CYP2C8: variants seen among roughly 807,000 people sequenced by gnomAD.
CYP2C8 encodes cytochrome P450 family 2 subfamily C member 8, also known as cytochrome P450 2C8.
In CYP2C8, 51 loss-of-function variants were observed where a neutral mutation model predicts 41.3. The ratio of observed to expected loss-of-function variants is 1.24; its 90% confidence interval spans 0.99 to 1.56. CYP2C8 has a LOEUF of 1.56. CYP2C8 is among the 40% of genes most tolerant of loss of function. CYP2C8 has a pLI of 0.00. For synonymous variants in CYP2C8, 218 were observed against 205.8 expected, an observed-to-expected ratio of 1.06 and a Z score of -0.51; for missense variants, 651 against 579.9, an observed-to-expected ratio of 1.12 and a Z score of -1.26.
intron 3 of CYP2C8, among the ~76,000 whole-genome samples, chr10:95,065,797 G>A (rs1033840477): frequency 6.6e-6 from 1 of 152,064 alleles, no homozygotes; most frequent in Non-Finnish European, 1.5e-5. Flanking sequence ...TTGACCATAA[G>A]TTAGGCCAAA....
At chr10:95,059,263 G>A (rs1339346816) in intron 4 of CYP2C8, among the ~76,000 whole-genome samples, 1 of 152,188 alleles carries the variant, frequency 6.6e-6, no homozygotes, top group Non-Finnish European at 1.5e-5. Context: ...CCCACCAACA[G>A]TGTAAAAGTG....
intron 4 of CYP2C8, among the ~76,000 whole-genome samples, chr10:95,060,727 T>C (rs1249600414): frequency 2.0e-5 from 3 of 152,228 alleles, no homozygotes; most frequent in Non-Finnish European, 4.4e-5. Context: ...GTGCCAGTTT[T>C]CAAAGGGAAT....
At chr10:95,037,462 C>A (rs2032908752) in intron 8 of CYP2C8, among the ~76,000 whole-genome samples, 153 bp from the exon 9 acceptor site, 1 of 152,100 alleles carries the variant, frequency 6.6e-6, no homozygotes, top group Non-Finnish European at 1.5e-5. Flanking sequence ...GGATGGATGA[C>A]ATGATGGATT....
At chr10:95,045,644 A>T (rs1299123957) in intron 6 of CYP2C8, among the ~76,000 whole-genome samples, 166 bp downstream of exon 6, 2 of 152,194 alleles carry the variant, frequency 1.3e-5, no homozygotes, top group Non-Finnish European at 2.9e-5. Flanking sequence ...CCTCCATTGT[A>T]CAAAGATGTC....
At position 95,044,326 on chromosome 10, in the gene CYP2C8, G is replaced by A. The variant is rs78466242; in HGVS notation, c.962-1249C>T. On this transcript the variant is annotated intron_variant, in intron 6 of 8. Coordinates refer to ENST00000371270, the MANE Select transcript of CYP2C8 (RefSeq NM_000770.3). Reference sequence around the variant, plus strand: ...TTGAGAATTCTGATGCTGTTTGAATGCTGATATTTTATATATGACCTGATA... The same window carrying A: ...TTGAGAATTCTGATGCTGTTTGAATACTGATATTTTATATATGACCTGATA... Among the ~76,000 whole-genome samples, 5 of 152,264 alleles carry A rather than the reference G, an allele frequency of 3.3e-5. No homozygotes were observed. The East Asian group carries it at 5.8e-4, about 18-fold the overall frequency.
At chr10:95,059,275 T>C (rs2033374673) in intron 4 of CYP2C8, among the ~76,000 whole-genome samples, 1 of 152,200 alleles carries the variant, frequency 6.6e-6, no homozygotes, top group South Asian at 2.1e-4. Flanking sequence ...GTAAAAGTGC[T>C]CCTATTTCTC....
Position 95,058,496 on chromosome 10 carries a change from G to A in CYP2C8, c.658C>T (p.Pro220Ser), listed in dbSNP as rs1343170325. The A allele has an allele frequency of 1.9e-6, 3 of 1,612,344 alleles. No individual in the cohort carries two copies. Among genetic ancestry groups the A allele is most frequent in the Non-Finnish European group, 2.5e-6 (3 of 1,179,118 alleles). Residue 220 changes from proline (P) to serine (S), a missense_variant, in exon 5 of 9, where the codon CCT becomes TCT. Pro to Ser is a moderately conservative substitution (Grantham distance 74, BLOSUM62 -1). Transcript: ENST00000371270. The stretch of plus-strand genomic sequence containing the variant: ...CCTGGGAAACAATCAATGAGTAGAG[G>A]GAAATTATTGCAGACCTAAAAGAGA... The part of the protein sequence containing the change: ...SPWIQVCNNF[P>S]LLIDCFPGTH...
intron 4 of CYP2C8, among the ~76,000 whole-genome samples, chr10:95,061,771 G>A (rs1226701860): frequency 6.6e-6 from 1 of 152,126 alleles, no homozygotes; most frequent in Non-Finnish European, 1.5e-5. Flanking sequence ...TCTCTTGTGG[G>A]TATTTAGTGC....
chr10:95,039,931 C>G (rs10882520), intron 7 of CYP2C8, among the ~76,000 whole-genome samples: 45,291 of 151,938 alleles, frequency 0.3, 7,635 homozygotes, highest in African/African-American at 0.46. Flanking sequence ...AACAGTCATA[C>G]AAAACCAGCC....
chr10:95,067,644 A>C lies in CYP2C8; in HGVS notation c.216T>G (p.Asn72Lys). 1.2e-6 allele frequency: 2 copies of C among 1,614,148 alleles called. No individual in the cohort carries two copies. The highest frequency in any genetic ancestry group is 1.7e-6 in the Non-Finnish European group (2 of 1,180,002). Residue 72 changes from asparagine (N) to lysine (K), a missense_variant, in exon 2 of 9, where the codon AAT becomes AAG. Transcript: ENST00000371270. The stretch of plus-strand genomic sequence containing the variant: ...CATATCCATGAAACACCACTATGGG[A>C]TTCATGCCAAAATACACGGTGAACA... The part of the protein sequence containing the change: ...GPVFTVYFGM[N>K]PIVVFHGYEA...
intron 7 of CYP2C8, among the ~76,000 whole-genome samples, chr10:95,042,369 T>C (rs958996699): frequency 1.3e-5 from 2 of 151,494 alleles, no homozygotes; most frequent in Middle Eastern, 3.2e-3. Context: ...AATAGTATAA[T>C]TGAATACAAT....
intron 6 of CYP2C8, among the ~76,000 whole-genome samples, chr10:95,044,291 G>C (rs2033065878): frequency 6.6e-6 from 1 of 152,184 alleles, no homozygotes. Flanking sequence ...GAATACACAA[G>C]ATAGTATGCT....
At chr10:95,058,533 A>C (rs769120344) in intron 4 of CYP2C8, 22 bp from the exon 5 acceptor site, 29 of 1,579,208 alleles carry the variant, frequency 1.8e-5, no homozygotes, top group Non-Finnish European at 2.5e-5. Context: ...AAGAATATTA[A>C]ATATAAACAT....
chr10:95,040,338 G>T (rs1286544855), intron 7 of CYP2C8, among the ~76,000 whole-genome samples: 1 of 152,124 alleles, frequency 6.6e-6, no homozygotes, highest in Non-Finnish European at 1.5e-5. Context: ...AAAAAAATCA[G>T]TGATAATTAG....
chr10:95,038,848 A>G (rs2032938661), intron 8 of CYP2C8, 49 bp downstream of exon 8: 1 of 1,601,258 alleles, frequency 6.2e-7, no homozygotes, highest in Non-Finnish European at 8.6e-7. Context: ...ACTAATTCCA[A>G]AAAGTTCTCT....
chr10:95,060,188 TTG>T (rs2033396746), intron 4 of CYP2C8, among the ~76,000 whole-genome samples: 1 of 87,084 alleles, frequency 1.1e-5, no homozygotes, highest in Non-Finnish European at 2.4e-5. Flanking sequence ...AAGAAAGTCA[TTG>T]GTGCTTGATG....
chr10:95,063,902 C>A (rs979343986), intron 4 of CYP2C8, among the ~76,000 whole-genome samples: 4 of 152,146 alleles, frequency 2.6e-5, no homozygotes, highest in African/African-American at 7.2e-5. Context: ...CACTCCAGAC[C>A]CTGTTTGCCT....
At chr10:95,041,625 C>CA (rs577538820) in intron 7 of CYP2C8, among the ~76,000 whole-genome samples, 6,393 of 150,004 alleles carry the variant, frequency 0.043, 441 homozygotes, top group African/African-American at 0.14. Context: ...ACTAAAAATA[C>CA]AAAAAATTAG....
Position 95,045,948 on chromosome 10 carries a change from T to C in CYP2C8, c.823A>G (p.Lys275Glu). The change falls in exon 6 of 9, where the codon AAG (lysine) becomes GAG (glutamate). Residue 275 changes from lysine to glutamate, a missense_variant. Lys to Glu is a moderately conservative substitution (Grantham distance 56). Transcript: ENST00000371270. ...TTGAATTCTGACTTTTGGTTGTCCT[T>C]TTCCTAGAAGTGATTTCATGCAATT... ...DCFLIKMEQE[K>E]DNQKSEFNIE... 1 of 1,613,940 alleles carries C rather than the reference T, an allele frequency of 6.2e-7. No homozygotes were observed. Among genetic ancestry groups the C allele is most frequent in the Non-Finnish European group, 8.5e-7 (1 of 1,179,854 alleles).
Sources: allele counts gnomAD v4.1 joint callset (sites outside exome capture counted in the v4.1 genomes callset), GRCh38; gene constraint gnomAD v4.1.1; transcripts MANE v1.5; gene names NCBI Gene and HGNC (gene_info 2026-07-23, HGNC 2026-07-21).